DAB2IP: variants seen among roughly 807,000 people sequenced by gnomAD.
The protein encoded by DAB2IP is DAB2 interacting protein.
A neutral mutation model predicts 107.2 loss-of-function variants in DAB2IP; 28 were observed. The ratio of observed to expected loss-of-function variants is 0.26; its 90% CI spans 0.19 to 0.36. The LOEUF (loss-of-function observed/expected upper bound fraction) is 0.36. DAB2IP is among the 10% of genes least tolerant of loss of function. The probability of loss-of-function intolerance (pLI) is 1.00; values close to 1 mark genes in which losing one functional copy is unlikely to be tolerated. For missense variants in DAB2IP, 1,400 were observed against 1,644.7 expected (o/e 0.85, Z 2.57); for synonymous variants, 755 against 706.4 (o/e 1.07, Z -1.09).
At chr9:121,641,892 C>CCTTTCTTTCTTTCT (rs1554718108) in intron 1 of DAB2IP, among the ~76,000 whole-genome samples, 2 of 89,344 alleles carry the variant, frequency 2.2e-5, no homozygotes, top group Admixed American at 1.2e-4. Context: ...CATTTCTTTC[C>CCTTTCTTTCTTTCT]CTTTCTTTCT....
Position 121,734,232 on chromosome 9 carries a change from C to A in DAB2IP, c.363-22781C>A, listed in dbSNP as rs989613558. Among the ~76,000 whole-genome samples the A allele has an allele frequency of 3.0e-4, 45 of 149,280 alleles. 4 individuals are homozygous for A. The highest frequency in any genetic ancestry group is 1.1e-3 in the African/African-American group (43 of 38,968). The stretch of plus-strand genomic sequence containing the variant: ...CTCTACTAAAAATACAAAAAATTAG[C>A]CGGGCGCGGTGGCGGGCGCCTGTAG... On this transcript the variant is annotated intron_variant, in intron 3 of 15. Transcript: ENST00000408936.
At chr9:121,761,391 G>A (rs1377384616) in intron 6 of DAB2IP, among the ~76,000 whole-genome samples, 2 of 152,226 alleles carry the variant, frequency 1.3e-5, no homozygotes, top group Non-Finnish European at 1.5e-5. Context: ...CCAAGTGGCA[G>A]GTGGCTGAGG....
chr9:121,651,910 C>A lies in DAB2IP; in HGVS notation c.124+11C>A. 1.4e-6 allele frequency: 2 copies of A among 1,380,088 alleles called. No homozygotes were observed. The highest frequency in any genetic ancestry group is 1.9e-4 in the Middle Eastern group (1 of 5,366). 85.5% of individuals were successfully genotyped at this position (1,380,088 alleles called of 1,614,324 possible). On this transcript the variant is annotated intron_variant, in intron 1 of 15. Transcript: ENST00000408936. The surrounding 1 kb of genome is among the most constrained non-coding windows in gnomAD (Gnocchi z 5.1). Reference sequence around the variant, plus strand: ...CCCGGCCTGCCAGGGGTAGGCGCCACCCCGACCCCTGACCCCTAGACCCTC... The same window carrying A: ...CCCGGCCTGCCAGGGGTAGGCGCCAACCCGACCCCTGACCCCTAGACCCTC...
At chr9:121,626,641 C>T (rs976927253) in intron 1 of DAB2IP, among the ~76,000 whole-genome samples, 2 of 152,066 alleles carry the variant, frequency 1.3e-5, no homozygotes, top group Middle Eastern at 3.4e-3. Context: ...CTAGGCTGGT[C>T]TCAAACTCCT....
chr9:121,576,756 G>C (rs781701195), intron 1 of DAB2IP, among the ~76,000 whole-genome samples: 2 of 149,218 alleles, frequency 1.3e-5, no homozygotes, highest in Non-Finnish European at 2.9e-5. Context: ...GCAGATTCTG[G>C]GGGGGGAGGG....
At chr9:121,632,382 G>T (rs1831928183) in intron 1 of DAB2IP, among the ~76,000 whole-genome samples, 1 of 152,204 alleles carries the variant, frequency 6.6e-6, no homozygotes, top group South Asian at 2.1e-4. Flanking sequence ...TGACCCAGTG[G>T]ACTGGAGGAG....
chr9:121,588,427 A>G lies in DAB2IP; in HGVS notation c.40+21199A>G, dbSNP rs1830351214. On this transcript the variant is annotated intron_variant, in intron 1 of 16. Coordinates refer to the DAB2IP transcript ENST00000259371. The stretch of plus-strand genomic sequence containing the variant: ...CTAGCGAGTGCTTCCCGTCCTCCTC[A>G]TCCCAACTGGGGTTCCCCAGGAGCA... 2.0e-5 allele frequency among the ~76,000 whole-genome samples: 3 copies of G among 151,290 alleles called. No homozygotes were observed. The South Asian group carries it at 6.3e-4, about 32-fold the overall frequency.
At chr9:121,657,326 G>C (rs1833010208) in intron 1 of DAB2IP, among the ~76,000 whole-genome samples, 1 of 152,226 alleles carries the variant, frequency 6.6e-6, no homozygotes, top group Admixed American at 6.5e-5. Flanking sequence ...ACAGGCCCCA[G>C]TGAATCTGCT....
intron 10 of DAB2IP, 133 bp downstream of exon 10, chr9:121,768,766 C>T: frequency 9.1e-7 from 1 of 1,101,944 alleles, no homozygotes. Flanking sequence ...TGTCAGAACA[C>T]ACTGGGGATC....
chr9:121,582,770 C>A (rs1045825832), intron 1 of DAB2IP, among the ~76,000 whole-genome samples: 1 of 152,262 alleles, frequency 6.6e-6, no homozygotes, highest in Non-Finnish European at 1.5e-5. Flanking sequence ...CTCCTCCCTA[C>A]GTGCATTCAT....
chr9:121,647,004 G>C (rs1176802991), upstream of DAB2IP, among the ~76,000 whole-genome samples: 4 of 152,140 alleles, frequency 2.6e-5, no homozygotes, highest in Non-Finnish European at 4.4e-5. Context: ...TGGGTAGAAT[G>C]CTGAGAACAG....
intron 3 of DAB2IP, among the ~76,000 whole-genome samples, chr9:121,719,285 T>C (rs969109288): frequency 2.0e-5 from 3 of 152,202 alleles, no homozygotes; most frequent in African/African-American, 7.2e-5. Context: ...CTGCTGCTTC[T>C]GTGCCTCTCT....
At chr9:121,720,591 G>GCCACTGC (rs1830871609) in intron 3 of DAB2IP, among the ~76,000 whole-genome samples, 1 of 152,178 alleles carries the variant, frequency 6.6e-6, no homozygotes, top group Admixed American at 6.5e-5. Context: ...ACCAGCCCCA[G>GCCACTGC]CCACTGCCCA....
chr9:121,631,320 GA>G (rs1396378511), intron 1 of DAB2IP, among the ~76,000 whole-genome samples: 1 of 152,186 alleles, frequency 6.6e-6, no homozygotes, highest in Non-Finnish European at 1.5e-5. Flanking sequence ...AGGCTTCATG[GA>G]GGAGGTGGCA....
chr9:121,579,388 C>T (rs1054558553), intron 1 of DAB2IP, among the ~76,000 whole-genome samples: 2 of 152,122 alleles, frequency 1.3e-5, no homozygotes, highest in African/African-American at 4.8e-5. Flanking sequence ...TCTCTTCATC[C>T]CCTCTCGGTC....
intron 3 of DAB2IP, among the ~76,000 whole-genome samples, chr9:121,708,957 G>A (rs1261990440): frequency 1.3e-5 from 2 of 152,208 alleles, no homozygotes; most frequent in Non-Finnish European, 2.9e-5. Flanking sequence ...AGTGGGAGGT[G>A]ATGGGGGATC....
At chr9:121,781,638 C>A in intron 15 of DAB2IP, 87 bp downstream of exon 15, 1 of 1,344,646 alleles carries the variant, frequency 7.4e-7, no homozygotes, top group Non-Finnish European at 1.1e-6. Flanking sequence ...CTCAGTCATA[C>A]CTCACTGCAG....
chr9:121,722,841 T>A (rs1048080338), intron 3 of DAB2IP, among the ~76,000 whole-genome samples: 1 of 152,158 alleles, frequency 6.6e-6, no homozygotes, highest in Non-Finnish European at 1.5e-5. Context: ...ATTGCAAGTA[T>A]AGAGTACCAA....
At position 121,699,106 on chromosome 9, in the gene DAB2IP, G is replaced by A. The variant is rs921195309; in HGVS notation, c.229-219G>A. 6.8e-6 allele frequency among the ~76,000 whole-genome samples: 1 copy of A among 146,632 alleles called. No homozygotes were observed. The highest frequency in any genetic ancestry group is 2.0e-4 in the East Asian group (1 of 4,984). ...CGGCTTAGGGGGCGGGGGCGACGTG[G>A]CGGGCGGGGTGGGCTGGGCCGCGCT... On this transcript the variant is annotated intron_variant, in intron 2 of 15. Transcript: ENST00000408936. This position sits in a 1 kb window ranked among gnomAD's most constrained non-coding sequence, Gnocchi z 6.2.
Sources: gnomAD v4.1 joint callset for allele counts (sites outside exome capture counted in the v4.1 genomes callset) on GRCh38, gnomAD v4.1.1 for gene constraint, Gnocchi (gnomAD v3.1) non-coding constraint, MANE v1.5 for transcripts, NCBI Gene and HGNC (gene_info 2026-07-23, HGNC 2026-07-21) for gene names.